The following NDNF variants were observed in gnomAD, a reference collection of about 807,000 sequenced individuals.
NDNF encodes the protein neuron derived neurotrophic factor, also known as protein NDNF.
A neutral mutation model predicts 42.0 loss-of-function variants in NDNF; 16 were observed. The ratio of observed to expected loss-of-function variants is 0.38; its 90% CI spans 0.26 to 0.58. The LOEUF is 0.58. Among genes scored for constraint, NDNF ranks in the 20% least tolerant of loss-of-function variants. NDNF has a pLI of 0.67. For synonymous variants in NDNF, 248 were observed against 251.7 expected, an observed-to-expected ratio of 0.99 and a Z score of 0.14; for missense variants, 616 against 666.2, an observed-to-expected ratio of 0.92 and a Z score of 0.83.
At chr4:121,045,005 T>C (rs1357834409) in intron 2 of NDNF, among the ~76,000 whole-genome samples, 1 of 152,172 alleles carries the variant, frequency 6.6e-6, no homozygotes, top group African/African-American at 2.4e-5. Context: ...GAATCATACA[T>C]ATTCATGAAA....
chr4:121,053,589 A>G (rs1169184573), intron 1 of NDNF, among the ~76,000 whole-genome samples: 4 of 152,244 alleles, frequency 2.6e-5, no homozygotes, highest in African/African-American at 7.2e-5. Flanking sequence ...CTTAAAATGT[A>G]TCAGATGGAT....
intron 1 of NDNF, among the ~76,000 whole-genome samples, chr4:121,055,810 C>A (rs1727284341): frequency 6.6e-6 from 1 of 150,840 alleles, no homozygotes; most frequent in Non-Finnish European, 1.5e-5. Context: ...TACACACATA[C>A]ACACACACAC....
intron 1 of NDNF, chr4:121,061,535 T>G (rs948721642): frequency 3.9e-5 from 6 of 152,230 alleles, no homozygotes; most frequent in African/African-American, 1.4e-4. Flanking sequence ...CTTCTCTGTC[T>G]CTTCTCTCCT....
At chr4:121,045,244 C>A (rs891581090) in intron 2 of NDNF, among the ~76,000 whole-genome samples, 1 of 151,604 alleles carries the variant, frequency 6.6e-6, no homozygotes, top group Non-Finnish European at 1.5e-5. Flanking sequence ...CCCAGCTACT[C>A]GGGAGGCTGA....
At position 121,036,060 on chromosome 4, in the gene NDNF, C is replaced by G; in HGVS notation, c.*204G>C. 1 of 523,570 alleles carries G rather than the reference C, an allele frequency of 1.9e-6. No individual in the cohort carries two copies. Among genetic ancestry groups the G allele is most frequent in the South Asian group, 3.3e-5 (1 of 30,432 alleles). 32.4% of individuals were successfully genotyped at this position (523,570 alleles called of 1,614,324 possible). A position where few individuals can be genotyped will look rare whatever the true frequency, so the allele number is the denominator to read the frequency against. ...TTGACACCAACCGGCATCAGACACACACTAGGTACCATGGGGCACGCTAGA... is the reference window on the plus strand; with the variant it reads ...TTGACACCAACCGGCATCAGACACAGACTAGGTACCATGGGGCACGCTAGA... On this transcript the variant is annotated 3_prime_UTR_variant, in exon 4 of 4. Transcript: ENST00000379692.
rs1727053873 is a variant in NDNF at position 121,044,383 on chromosome 4, A to AC, written c.188+1266dup. Among the ~76,000 whole-genome samples the AC allele has an allele frequency of 3.3e-5, 5 of 152,334 alleles. No individual in the cohort carries two copies. The South Asian group carries it at 1.0e-3, about 32-fold the overall frequency. On this transcript the variant is annotated intron_variant, in intron 2 of 3. Coordinates refer to ENST00000379692, the MANE Select transcript of NDNF (RefSeq NM_024574.4). ...ACTGTATCCCAGGTTAGAAGGAGCAACTGGTTTTGAAATATAATTATCCAA... is the reference window on the plus strand; with the variant it reads ...ACTGTATCCCAGGTTAGAAGGAGCAACCTGGTTTTGAAATATAATTATCCAA...
intron 1 of NDNF, among the ~76,000 whole-genome samples, chr4:121,064,289 C>A (rs1188566875): frequency 6.6e-6 from 1 of 151,964 alleles, no homozygotes; most frequent in African/African-American, 2.4e-5. Flanking sequence ...TGTGGAAGTA[C>A]CTTGTAAACA....
At chr4:121,070,491 G>A (rs560931629) in intron 1 of NDNF, among the ~76,000 whole-genome samples, 3 of 152,110 alleles carry the variant, frequency 2.0e-5, no homozygotes, top group African/African-American at 7.2e-5. Context: ...CTCAGGGACC[G>A]GGTGGGAGGA....
chr4:121,047,145 T>C (rs1462517371), intron 1 of NDNF, among the ~76,000 whole-genome samples: 1 of 152,236 alleles, frequency 6.6e-6, no homozygotes, highest in Non-Finnish European at 1.5e-5. Flanking sequence ...TTATCTTTCT[T>C]TGAATGCTAT....
In NDNF at chr4:121,058,003, G is replaced by A. The variant is rs569959411; in HGVS notation, c.-1-12165C>T. Among the ~76,000 whole-genome samples, 5 of 152,228 alleles carry A rather than the reference G, an allele frequency of 3.3e-5. No individual in the cohort carries two copies. In the South Asian group the frequency reaches 1.0e-3, roughly 32 times the overall value. Reference sequence around the variant, plus strand: ...ACTTTGTTTCTTATGTTACTTTCTCGTCTCACTTGAATTATAGTTATTTTT... The same window carrying A: ...ACTTTGTTTCTTATGTTACTTTCTCATCTCACTTGAATTATAGTTATTTTT... On this transcript the variant is annotated intron_variant, in intron 1 of 3. Coordinates refer to ENST00000379692, the MANE Select transcript of NDNF (RefSeq NM_024574.4).
intron 1 of NDNF, among the ~76,000 whole-genome samples, chr4:121,059,946 T>A (rs1454003453): frequency 6.6e-6 from 1 of 152,102 alleles, no homozygotes; most frequent in Non-Finnish European, 1.5e-5. Flanking sequence ...ATTTTGAAAC[T>A]CCCAAACTAT....
At chr4:121,039,800 G>T in intron 3 of NDNF, 130 bp downstream of exon 3, 1 of 1,027,372 alleles carries the variant, frequency 9.7e-7, no homozygotes, top group Non-Finnish European at 1.4e-6. Context: ...CCTTATCTCC[G>T]TCTCATACCT....
At position 121,037,313 on chromosome 4, in the gene NDNF, T is replaced by C. The variant is rs747273592; in HGVS notation, c.658A>G (p.Asn220Asp). 1 of 1,614,094 alleles carries C rather than the reference T, an allele frequency of 6.2e-7. No individual in the cohort carries two copies. The highest frequency in any genetic ancestry group is 8.5e-7 in the Non-Finnish European group (1 of 1,180,018). ...QYCVVINKEH[N>D]FKSLCAVEAK... ...TCCACTGCACAGAGACTTTTGAAAT[T>C]GTGCTCTTTGTTGATGACCACACAG... The change falls in exon 4 of 4, where the codon AAT (asparagine) becomes GAT (aspartate). Residue 220 changes from asparagine (N) to aspartate (D), a missense_variant. Transcript: ENST00000379692.
intron 2 of NDNF, among the ~76,000 whole-genome samples, chr4:121,045,081 A>G (rs1560604990): frequency 1.3e-5 from 2 of 152,256 alleles, no homozygotes. Context: ...GGCCGGGCGC[A>G]GTGGCTTACG....
At chr4:121,041,499 G>A (rs540907614) in intron 2 of NDNF, among the ~76,000 whole-genome samples, 24 of 152,276 alleles carry the variant, frequency 1.6e-4, no homozygotes, top group African/African-American at 4.1e-4. Flanking sequence ...GTGCTTGAAC[G>A]TCTCTTTTCT....
At chr4:121,067,000 T>C (rs1727510160) in intron 1 of NDNF, among the ~76,000 whole-genome samples, 1 of 152,248 alleles carries the variant, frequency 6.6e-6, no homozygotes. Flanking sequence ...GCTGAAATCA[T>C]TCCAATTAGA....
rs141503490 is a variant in NDNF, at chr4:121,052,744, C to T, written c.-1-6906G>A. ...GCCAGCGTGGATGTACGGATTCCTTCGAGGCAAAAATGCAGCAATCAAAAG... is the reference window on the plus strand; with the variant it reads ...GCCAGCGTGGATGTACGGATTCCTTTGAGGCAAAAATGCAGCAATCAAAAG... On this transcript the variant is annotated intron_variant, in intron 1 of 3. Coordinates refer to ENST00000379692, the MANE Select transcript of NDNF (RefSeq NM_024574.4). Among the ~76,000 whole-genome samples, 235 of 152,242 alleles carry T rather than the reference C, an allele frequency of 1.5e-3. 1 individual carries two copies. The highest frequency in any genetic ancestry group is 5.4e-3 in the African/African-American group (223 of 41,534).
rs1238086552 is a variant in NDNF at position 121,036,905 on chromosome 4, T to C, written c.1066A>G (p.Lys356Glu). ...KDGKITDVFV[K>E]RKGAKFLRFA... ...CGTAGAAACTTTGCTCCCTTCCTTT[T>C]AACAAATACATCTGTTATCTTCCCA... The change falls in exon 4 of 4, where the codon AAA (lysine) becomes GAA (glutamate). Residue 356 changes from lysine (K) to glutamate (E), a missense_variant. Transcript: ENST00000379692. 3.1e-6 allele frequency: 5 copies of C among 1,614,008 alleles called. No individual in the cohort carries two copies. Among genetic ancestry groups the C allele is most frequent in the Non-Finnish European group, 4.2e-6 (5 of 1,180,010 alleles).
Position 121,037,032 on chromosome 4 carries a change from A to C in NDNF, c.939T>G (p.Asp313Glu). 1 of 1,613,572 alleles carries C rather than the reference A, an allele frequency of 6.2e-7. No homozygotes were observed. Among genetic ancestry groups the C allele is most frequent in the Middle Eastern group, 1.6e-4 (1 of 6,062 alleles). Residue 313 changes from aspartate (D) to glutamate (E), a missense_variant, in exon 4 of 4, where the codon GAT (aspartate) becomes GAG (glutamate). By Grantham distance (45) the Asp-to-Glu change is conservative (BLOSUM62 2). Transcript: ENST00000379692. ...DLKPDTQYYFDVFVVNINSNM... is the reference protein window; with the variant it reads ...DLKPDTQYYFEVFVVNINSNM... ...TGCTGTTGATGTTGACCACAAATAC[A>C]TCAAAGTAGTACTGCGTGTCGGGTT...
Sources: allele counts gnomAD v4.1 joint callset (sites outside exome capture counted in the v4.1 genomes callset), GRCh38; gene constraint gnomAD v4.1.1; transcripts MANE v1.5; gene names NCBI Gene and HGNC (gene_info 2026-07-23, HGNC 2026-07-21).